Variants in NAA25 observed in about 807,000 individuals in gnomAD.
The protein encoded by NAA25 is N-alpha-acetyltransferase 25, NatB auxiliary subunit.
A neutral mutation model predicts 132.5 loss-of-function variants in NAA25; 30 were observed. The observed-to-expected ratio is 0.23, with a 90% CI of 0.17 to 0.31. NAA25 has a LOEUF of 0.31. NAA25 is among the 10% of genes least tolerant of loss of function. The pLI, the probability that NAA25 is intolerant of heterozygous loss-of-function variation, is 1.00. For synonymous variants in NAA25, 359 were observed against 401.9 expected (o/e 0.89, Z 1.28); for missense variants, 771 against 1,150.4 (o/e 0.67, Z 4.77).
At chr12:112,069,201 T>A (rs2078765393) in intron 10 of NAA25, 2 of 483,180 alleles carry the variant, frequency 4.1e-6, no homozygotes, top group Non-Finnish European at 7.4e-6. Context: ...TGCACCTGAC[T>A]AGTCTTTAAA....
chr12:112,039,096 T>G (rs2078266423), intron 22 of NAA25, 133 bp downstream of exon 22: 2 of 487,342 alleles, frequency 4.1e-6, no homozygotes, highest in East Asian at 3.4e-5. Flanking sequence ...GCATTCAAAG[T>G]CATCGTGGGC....
rs2078335073 is a variant in NAA25, at chr12:112,043,787, C to T, written c.2088G>A (p.Leu696=). ...GGTTGAGACTTGGAAGTCCACTTAT[C>T]AGCCTCAATGTTAAGGATCGGATTC... The part of the protein sequence containing the change: ...WLRIRSLTLR[L]ISGLPSLNHP... Residue 696 remains leucine, a synonymous_variant, in exon 18 of 24, where the codon CTG becomes CTA. Coordinates refer to ENST00000261745, the MANE Select transcript of NAA25 (RefSeq NM_024953.4). 18 of 1,614,064 alleles carry T rather than the reference C, an allele frequency of 1.1e-5. No homozygotes were observed. The highest frequency in any genetic ancestry group is 1.5e-5 in the Non-Finnish European group (18 of 1,180,046).
In NAA25 at chr12:112,087,819, A is replaced by G; in HGVS notation, c.284-18T>C. ...TAACTCCGCTAAGATAAAGAGAAATAAGATTTAAGTTATACTTCAAGAACA... is the reference window on the plus strand; with the variant it reads ...TAACTCCGCTAAGATAAAGAGAAATGAGATTTAAGTTATACTTCAAGAACA... On this transcript the variant is annotated intron_variant, in intron 3 of 23. Transcript: ENST00000261745. The G allele has an allele frequency of 6.7e-7, 1 of 1,499,960 alleles. No individual in the cohort carries two copies. The highest frequency in any genetic ancestry group is 9.3e-7 in the Non-Finnish European group (1 of 1,077,456). The allele number at this position is 1,499,960 out of a possible 1,614,324, so 92.9% of individuals were successfully genotyped here.
chr12:112,059,070 T>C lies in NAA25; in HGVS notation c.1447+1200A>G, dbSNP rs1314615519. On this transcript the variant is annotated intron_variant, in intron 13 of 23. Transcript: ENST00000261745. ...GTCTGGGCGACAGAGCGAGACTCCA[T>C]CTCACAAAAAAAAAAAAAAAAAAAA... Among the ~76,000 whole-genome samples the C allele has an allele frequency of 9.2e-4, 72 of 78,130 alleles. 1 individual carries two copies. The highest frequency in any genetic ancestry group is 3.8e-3 in the African/African-American group (71 of 18,700). 51.3% of individuals were successfully genotyped at this position (78,130 alleles called of 152,430 possible). A position where few individuals can be genotyped will look rare whatever the true frequency, so the allele number is the denominator to read the frequency against.
At chr12:112,107,756 C>CACTAT (rs2079384052) in intron 1 of NAA25, among the ~76,000 whole-genome samples, 1 of 152,156 alleles carries the variant, frequency 6.6e-6, no homozygotes. Flanking sequence ...CTTGAAGCTT[C>CACTAT]CTCACCATTA....
intron 22 of NAA25, among the ~76,000 whole-genome samples, chr12:112,038,356 A>T (rs1042128592): frequency 1.9e-4 from 29 of 152,090 alleles, no homozygotes; most frequent in Non-Finnish European, 8.8e-5. Context: ...ATCAATGCTA[A>T]ATTTCTTGAG....
chr12:112,086,418 C>T lies in NAA25; in HGVS notation c.402+1265G>A, dbSNP rs542110760. Among the ~76,000 whole-genome samples, 272 of 151,908 alleles carry T rather than the reference C, an allele frequency of 1.8e-3. 1 individual carries two copies. Among genetic ancestry groups the T allele is most frequent in the Middle Eastern group, 6.8e-3 (2 of 294 alleles). On this transcript the variant is annotated intron_variant, in intron 4 of 23. Transcript: ENST00000261745. ...GGCTGAGGCAGGAGAATCGCTTCAA[C>T]CTGGGAGGCCAGGTTGCAGTGAGCC...
At chr12:112,040,636 A>T (rs2078289352) in intron 20 of NAA25, 58 bp from the exon 21 acceptor site, 1 of 862,708 alleles carries the variant, frequency 1.2e-6, no homozygotes, top group Non-Finnish European at 1.9e-6. Flanking sequence ...TATTTTAAGG[A>T]ACACAACACA....
At chr12:112,092,015 C>T (rs7960908) in intron 2 of NAA25, among the ~76,000 whole-genome samples, 2,449 of 152,094 alleles carry the variant, frequency 0.016, 61 homozygotes, top group African/African-American at 0.056. Context: ...CCAAGGCAGG[C>T]GGATCAGGAG....
intron 1 of NAA25, among the ~76,000 whole-genome samples, chr12:112,103,637 C>T (rs1346440130): frequency 6.6e-6 from 1 of 152,198 alleles, no homozygotes; most frequent in Admixed American, 6.5e-5. Context: ...AGCTACCACA[C>T]TGTCCAAGAG....
In NAA25 at chr12:112,071,854, A is replaced by C. The variant is rs183015680; in HGVS notation, c.1036+41T>G. The C allele has an allele frequency of 7.0e-4, 1,080 of 1,537,812 alleles. 6 individuals are homozygous for C. The highest frequency in any genetic ancestry group is 4.5e-3 in the East Asian group (195 of 43,068). ...CTAATGAATATAGCACTTGGGTATT[A>C]AGGGCATTCTCCAGGCTTACCAGAT... On this transcript the variant is annotated intron_variant, in intron 10 of 23. Transcript: ENST00000261745.
At chr12:112,105,021 A>T (rs549974047) in intron 1 of NAA25, among the ~76,000 whole-genome samples, 2 of 151,634 alleles carry the variant, frequency 1.3e-5, no homozygotes, top group South Asian at 4.2e-4. Context: ...CTTCTTAAAA[A>T]AATAATAATA....
intron 10 of NAA25, 69 bp downstream of exon 10, chr12:112,071,826 C>CGGCGGTCG: frequency 8.0e-7 from 1 of 1,247,882 alleles, no homozygotes; most frequent in South Asian, 1.5e-5. Context: ...GTGTAGATCT[C>CGGCGGTCG]AACTAATGAA....
At chr12:112,087,904 G>A in intron 3 of NAA25, 103 bp from the exon 4 acceptor site, 1 of 732,122 alleles carries the variant, frequency 1.4e-6, no homozygotes, top group Non-Finnish European at 2.3e-6. Flanking sequence ...TATCATTATA[G>A]AAGAAGTATC....
intron 7 of NAA25, 120 bp downstream of exon 7, chr12:112,078,068 T>C: frequency 1.5e-6 from 1 of 683,912 alleles, no homozygotes. Flanking sequence ...TGGAAGAATA[T>C]AACAAAATGA....
At chr12:112,103,340 C>A (rs903725087) in intron 1 of NAA25, among the ~76,000 whole-genome samples, 3 of 152,124 alleles carry the variant, frequency 2.0e-5, no homozygotes, top group South Asian at 2.1e-4. Context: ...AAACTGAACA[C>A]AAAAATAGTC....
intron 23 of NAA25, 125 bp from the exon 24 acceptor site, chr12:112,029,778 T>A: frequency 7.4e-7 from 1 of 1,348,916 alleles, no homozygotes; most frequent in East Asian, 2.4e-5. Context: ...CAGAACACAG[T>A]GGGTCATTTT....
chr12:112,073,353 A>T (rs2078843616), intron 9 of NAA25, among the ~76,000 whole-genome samples: 1 of 152,148 alleles, frequency 6.6e-6, no homozygotes, highest in Admixed American at 6.6e-5. Context: ...AAAATTAGGT[A>T]ACCTAGTTAA....
intron 7 of NAA25, 44 bp downstream of exon 7, chr12:112,078,144 A>T: frequency 7.3e-7 from 1 of 1,368,680 alleles, no homozygotes. Context: ...TTTCATGTTT[A>T]AATAGGAAAA....
Sources: gnomAD v4.1 joint callset for allele counts (sites outside exome capture counted in the v4.1 genomes callset) on GRCh38, gnomAD v4.1.1 for gene constraint, MANE v1.5 for transcripts, NCBI Gene and HGNC (gene_info 2026-07-23, HGNC 2026-07-21) for gene names.